OSBPL10: variants seen among roughly 807,000 people sequenced by gnomAD.
OSBPL10 encodes oxysterol binding protein like 10, also known as oxysterol-binding protein-related protein 10.
In OSBPL10, 49 loss-of-function variants were observed where a neutral mutation model predicts 81.7. The ratio of observed to expected loss-of-function variants is 0.60; its 90% CI spans 0.48 to 0.76. The LOEUF (loss-of-function observed/expected upper bound fraction) is 0.76, where lower values mean the gene tolerates loss of function less well. Ranked by LOEUF, OSBPL10 falls within the 30% of genes least tolerant of loss-of-function variation. The pLI, the probability that OSBPL10 is intolerant of heterozygous loss-of-function variation, is 0.00. For synonymous variants in OSBPL10, 419 were observed against 383.6 expected, an observed-to-expected ratio of 1.09 and a Z score of -1.08; for missense variants, 923 against 987.8, an observed-to-expected ratio of 0.93 and a Z score of 0.88.
At chr3:32,018,866 A>T (rs1251042425) in intron 2 of OSBPL10, among the ~76,000 whole-genome samples, 2 of 152,310 alleles carry the variant, frequency 1.3e-5, no homozygotes, top group Non-Finnish European at 2.9e-5. Flanking sequence ...AATCAAAAGG[A>T]AGCAAAAGAA....
At chr3:31,912,991 T>C (rs1231384531) in intron 1 of OSBPL10, among the ~76,000 whole-genome samples, 2 of 152,232 alleles carry the variant, frequency 1.3e-5, no homozygotes, top group Admixed American at 1.3e-4. Flanking sequence ...AGATCTTATT[T>C]GTGTTTGTAC....
chr3:31,766,337 GT>G (rs1259127969), intron 4 of OSBPL10, among the ~76,000 whole-genome samples: 2 of 26,780 alleles, frequency 7.5e-5, no homozygotes, highest in Non-Finnish European at 3.6e-4. Flanking sequence ...TTGTTTTTTT[GT>G]TTTTTTTTGT....
intron 1 of OSBPL10, among the ~76,000 whole-genome samples, chr3:31,961,686 G>T (rs1336075566): frequency 6.7e-6 from 1 of 149,284 alleles, no homozygotes; most frequent in Non-Finnish European, 1.5e-5. Flanking sequence ...CTGCAGCCTT[G>T]AACTCCTGGG....
chr3:31,688,508 T>C (rs966843215), intron 7 of OSBPL10, among the ~76,000 whole-genome samples: 3 of 152,130 alleles, frequency 2.0e-5, no homozygotes, highest in Non-Finnish European at 2.9e-5. Context: ...TTCTTATTAA[T>C]GCACACGTTT....
chr3:31,742,959 AAGTAGATTTAGGAGCCACC>A (rs1448559975), intron 5 of OSBPL10, among the ~76,000 whole-genome samples: 2 of 151,620 alleles, frequency 1.3e-5, no homozygotes, highest in Admixed American at 6.6e-5. Flanking sequence ...CAAGCTGCTG[AAGTAGATTTAGGAGCCACC>A]AGTAATGGTA....
intron 8 of OSBPL10, among the ~76,000 whole-genome samples, chr3:31,680,047 C>A (rs970526044): frequency 6.6e-6 from 1 of 152,110 alleles, no homozygotes; most frequent in Non-Finnish European, 1.5e-5. Flanking sequence ...GGGGCTTTAA[C>A]CCAAACAGTG....
Position 31,879,651 on chromosome 3 carries a change from G to A in OSBPL10, c.457+4C>T, listed in dbSNP as rs1166910227. 19 of 1,607,428 alleles carry A rather than the reference G, an allele frequency of 1.2e-5. No individual in the cohort carries two copies. Among genetic ancestry groups the A allele is most frequent in the Middle Eastern group, 1.7e-4 (1 of 6,010 alleles). On this transcript the variant is annotated splice_donor_region_variant and intron_variant, in intron 2 of 11. Transcript: ENST00000396556. The stretch of plus-strand genomic sequence containing the variant: ...TCTGAAAAGTTACTGGGAGAAGAAC[G>A]CACCTCTCAGTTTAAACATCTCTCC...
intron 2 of OSBPL10, among the ~76,000 whole-genome samples, chr3:32,031,251 C>T (rs1396188563): frequency 6.6e-6 from 1 of 151,984 alleles, no homozygotes; most frequent in Non-Finnish European, 1.5e-5. Context: ...CACTATTTTA[C>T]AATTTCAGGG....
intron 2 of OSBPL10, among the ~76,000 whole-genome samples, chr3:32,029,842 G>A (rs903520513): frequency 6.6e-6 from 1 of 152,148 alleles, no homozygotes; most frequent in African/African-American, 2.4e-5. Flanking sequence ...TGGGGCACAG[G>A]ACAGTGATTG....
chr3:31,670,796 CCTGTGGA>C lies in OSBPL10; in HGVS notation c.1907_1913del (p.Val636GlyfsTer6). On this transcript the variant is annotated frameshift_variant and splice_region_variant, in exon 9 of 12. Coordinates refer to ENST00000396556, the MANE Select transcript of OSBPL10 (RefSeq NM_017784.5). LOFTEE classifies it high-confidence loss of function. ...CCAGAGTCTCTCCGGCCAGCTCCTA[CCTGTGGA>C]CTTTCCCTCCATAGAAAGGCTTCGT... 1 of 1,613,154 alleles carries C rather than the reference CCTGTGGA, an allele frequency of 6.2e-7. No homozygotes were observed. Among genetic ancestry groups the C allele is most frequent in the Non-Finnish European group, 8.5e-7 (1 of 1,179,446 alleles).
At chr3:31,957,388 A>C (rs1188186932) in intron 1 of OSBPL10, among the ~76,000 whole-genome samples, 1 of 152,220 alleles carries the variant, frequency 6.6e-6, no homozygotes, top group Non-Finnish European at 1.5e-5. Flanking sequence ...CCAGAGCCAC[A>C]GTGGCAGCTG....
At chr3:31,796,443 T>C (rs969960077) in intron 4 of OSBPL10, among the ~76,000 whole-genome samples, 6 of 152,184 alleles carry the variant, frequency 3.9e-5, no homozygotes, top group African/African-American at 1.2e-4. Context: ...GTGCCAGTAC[T>C]ATGCCATTTT....
chr3:31,881,868 C>G (rs1445234415), intron 1 of OSBPL10, among the ~76,000 whole-genome samples: 1 of 152,190 alleles, frequency 6.6e-6, no homozygotes, highest in Non-Finnish European at 1.5e-5. Context: ...TAGATGTTAT[C>G]CCCACATTAT....
intron 2 of OSBPL10, among the ~76,000 whole-genome samples, chr3:31,993,357 C>T (rs1002059505): frequency 5.3e-5 from 8 of 151,740 alleles, no homozygotes; most frequent in South Asian, 2.1e-4. Context: ...TACAGGCATG[C>T]GCCACCATGC....
At chr3:31,712,395 T>C (rs972359622) in intron 6 of OSBPL10, among the ~76,000 whole-genome samples, 1 of 152,204 alleles carries the variant, frequency 6.6e-6, no homozygotes, top group African/African-American at 2.4e-5. Flanking sequence ...TTTACACATG[T>C]GATTACGTTA....
At chr3:32,004,933 G>T (rs763082383) in intron 2 of OSBPL10, among the ~76,000 whole-genome samples, 3 of 152,098 alleles carry the variant, frequency 2.0e-5, no homozygotes, top group Admixed American at 2.0e-4. Flanking sequence ...TCCCACTTAT[G>T]TTTCTCCCCA....
chr3:31,686,631 C>G (rs1477066035), intron 7 of OSBPL10, among the ~76,000 whole-genome samples: 1 of 152,068 alleles, frequency 6.6e-6, no homozygotes, highest in Non-Finnish European at 1.5e-5. Context: ...TATTTAAAAA[C>G]ACAACTATGC....
intron 4 of OSBPL10, among the ~76,000 whole-genome samples, chr3:31,758,886 T>C (rs1697958011): frequency 6.6e-6 from 1 of 152,240 alleles, no homozygotes; most frequent in South Asian, 2.1e-4. Context: ...AAGTGCCTGT[T>C]TCTGGCTTCT....
intron 3 of OSBPL10, among the ~76,000 whole-genome samples, chr3:31,839,706 G>A (rs1700445794): frequency 6.6e-6 from 1 of 151,740 alleles, no homozygotes; most frequent in African/African-American, 2.4e-5. Flanking sequence ...TGGTGTGTTT[G>A]AGCAAGATGG....
Sources: gnomAD v4.1 joint callset for allele counts (sites outside exome capture counted in the v4.1 genomes callset) on GRCh38, gnomAD v4.1.1 for gene constraint, MANE v1.5 for transcripts, NCBI Gene and HGNC (gene_info 2026-07-23, HGNC 2026-07-21) for gene names.